The following CCSER1 variants were observed in gnomAD, a reference collection of about 807,000 sequenced individuals.
CCSER1 encodes coiled-coil serine rich protein 1.
In CCSER1, 41 loss-of-function variants were observed where a neutral mutation model predicts 82.0. The observed-to-expected ratio is 0.50, with a 90% confidence interval of 0.39 to 0.65. CCSER1 has a LOEUF of 0.65. Among genes scored for constraint, CCSER1 ranks in the 30% least tolerant of loss-of-function variants. The pLI is 0.00. For missense variants in CCSER1, 1,119 were observed against 1,064.2 expected (o/e 1.05, Z -0.72); for synonymous variants, 414 against 383.9 (o/e 1.08, Z -0.92).
chr4:90,296,707 A>G (rs1266758045), intron 1 of CCSER1, among the ~76,000 whole-genome samples: 3 of 152,198 alleles, frequency 2.0e-5, no homozygotes, highest in East Asian at 3.8e-4. Context: ...AGCTTTCTAC[A>G]TATGGCTACC....
intron 7 of CCSER1, among the ~76,000 whole-genome samples, chr4:90,728,286 A>G (rs1051321852): frequency 3.3e-5 from 5 of 152,106 alleles, no homozygotes; most frequent in Non-Finnish European, 7.4e-5. Context: ...CCTCATCCCT[A>G]GTTATTTCTC....
chr4:90,569,843 C>T (rs1269738117), intron 5 of CCSER1, among the ~76,000 whole-genome samples: 2 of 152,164 alleles, frequency 1.3e-5, no homozygotes, highest in Non-Finnish European at 2.9e-5. Flanking sequence ...CACCCCCTTG[C>T]CTGTTGACCT....
chr4:90,587,022 G>A (rs571095256), intron 5 of CCSER1, among the ~76,000 whole-genome samples: 1 of 152,266 alleles, frequency 6.6e-6, no homozygotes, highest in African/African-American at 2.4e-5. Flanking sequence ...GAAACGGGGG[G>A]AGGCAGAAGA....
chr4:90,661,820 G>A (rs529411438), intron 6 of CCSER1, among the ~76,000 whole-genome samples: 1 of 151,778 alleles, frequency 6.6e-6, no homozygotes, highest in East Asian at 1.9e-4. Context: ...AAGAAATAAT[G>A]GAACACAATT....
intron 10 of CCSER1, among the ~76,000 whole-genome samples, chr4:91,131,329 CTCT>C (rs1484097096): frequency 3.2e-5 from 4 of 123,134 alleles, no homozygotes; most frequent in African/African-American, 1.2e-4. Flanking sequence ...CAGTTCTCCC[CTCT>C]TTTTTTTTTT....
At chr4:91,035,542 A>G (rs1347081868) in intron 9 of CCSER1, among the ~76,000 whole-genome samples, 1 of 152,116 alleles carries the variant, frequency 6.6e-6, no homozygotes, top group Non-Finnish European at 1.5e-5. Context: ...TGTGGTGTGG[A>G]TTGTTGGGAT....
chr4:90,969,605 A>G (rs554121486), intron 9 of CCSER1, among the ~76,000 whole-genome samples: 1 of 152,136 alleles, frequency 6.6e-6, no homozygotes, highest in East Asian at 1.9e-4. Flanking sequence ...GAACAAAATG[A>G]CAATCTATAA....
At chr4:91,324,104 T>A (rs1746382609) in intron 10 of CCSER1, among the ~76,000 whole-genome samples, 1 of 152,140 alleles carries the variant, frequency 6.6e-6, no homozygotes, top group African/African-American at 2.4e-5. Context: ...TTTAATCAAA[T>A]CTTACTTTAC....
chr4:91,597,146 A>G (rs888549487), intron 10 of CCSER1, among the ~76,000 whole-genome samples: 1 of 152,052 alleles, frequency 6.6e-6, no homozygotes, highest in South Asian at 2.1e-4. Context: ...ACTGGTAGAT[A>G]ATCAAGCAGA....
At position 90,493,775 on chromosome 4, in the gene CCSER1, TGG is replaced by T. The variant is rs1171696346; in HGVS notation, c.1724+25422_1724+25423del. 8.8e-4 allele frequency among the ~76,000 whole-genome samples: 134 copies of T among 152,146 alleles called. 1 individual carries two copies. Among genetic ancestry groups the T allele is most frequent in the Non-Finnish European group, 2.1e-4 (14 of 68,000 alleles). ...GAGCTCCTGAAGGAAGCACTAAACA[TGG>T]AAAGGAACAACCGGTACCAGCTACT... On this transcript the variant is annotated intron_variant, in intron 5 of 10. Coordinates refer to ENST00000509176, the MANE Select transcript of CCSER1 (RefSeq NM_001145065.2).
At chr4:91,299,318 T>C (rs1323926019) in intron 10 of CCSER1, among the ~76,000 whole-genome samples, 1 of 151,986 alleles carries the variant, frequency 6.6e-6, no homozygotes, top group South Asian at 2.1e-4. Flanking sequence ...AACTGTCTTT[T>C]AAAAAAATGC....
At chr4:91,374,255 C>T (rs911399874) in intron 10 of CCSER1, among the ~76,000 whole-genome samples, 3 of 152,050 alleles carry the variant, frequency 2.0e-5, no homozygotes, top group African/African-American at 7.2e-5. Flanking sequence ...AAGAAGATGC[C>T]ATCTAGGACT....
intron 3 of CCSER1, among the ~76,000 whole-genome samples, chr4:90,345,169 C>G (rs997091509): frequency 3.9e-5 from 6 of 152,008 alleles, no homozygotes; most frequent in Non-Finnish European, 5.9e-5. Flanking sequence ...GTAAGCTGGC[C>G]TTTAATACAA....
At chr4:90,982,670 A>G (rs1432228291) in intron 9 of CCSER1, among the ~76,000 whole-genome samples, 1 of 151,782 alleles carries the variant, frequency 6.6e-6, no homozygotes, top group East Asian at 1.9e-4. Flanking sequence ...AAATTACCAC[A>G]CACTAATATC....
At chr4:90,387,265 CT>C (rs1336672610) in intron 3 of CCSER1, among the ~76,000 whole-genome samples, 5 of 151,840 alleles carry the variant, frequency 3.3e-5, no homozygotes, top group African/African-American at 1.2e-4. Flanking sequence ...TACTCCTTAC[CT>C]GCAGATATGG....
At chr4:90,799,789 T>C (rs1209916948) in intron 7 of CCSER1, among the ~76,000 whole-genome samples, 1 of 152,168 alleles carries the variant, frequency 6.6e-6, no homozygotes, top group Non-Finnish European at 1.5e-5. Flanking sequence ...GGACTCCACA[T>C]CAGCTGGCTT....
chr4:90,616,683 T>TCACACACACA (rs56988615), intron 5 of CCSER1, among the ~76,000 whole-genome samples: 9 of 120,306 alleles, frequency 7.5e-5, no homozygotes, highest in Non-Finnish European at 1.5e-4. Flanking sequence ...TGGCTCTGTC[T>TCACACACACA]CACACACACA....
At chr4:91,022,772 A>G (rs982099144) in intron 9 of CCSER1, among the ~76,000 whole-genome samples, 9 of 152,206 alleles carry the variant, frequency 5.9e-5, no homozygotes, top group Non-Finnish European at 1.2e-4. Context: ...GATGATGAGC[A>G]TTTTTTCACG....
intron 5 of CCSER1, among the ~76,000 whole-genome samples, chr4:90,510,672 G>A (rs373155455): frequency 2.3e-4 from 35 of 152,326 alleles, no homozygotes; most frequent in East Asian, 1.5e-3. Flanking sequence ...AGCAGATTAA[G>A]AGCTTGAGCT....
Sources: gnomAD v4.1 joint callset for allele counts (sites outside exome capture counted in the v4.1 genomes callset) on GRCh38, gnomAD v4.1.1 for gene constraint, MANE v1.5 for transcripts, NCBI Gene and HGNC (gene_info 2026-07-23, HGNC 2026-07-21) for gene names.